Variants in CSGALNACT1 observed in about 807,000 individuals in gnomAD.
CSGALNACT1 encodes the protein beta4GalNAcT-1.
Under a neutral mutation model 51.0 loss-of-function variants are expected in CSGALNACT1, and 52 were observed. That is an observed-to-expected ratio of 1.02 (90% confidence interval 0.82 to 1.29). CSGALNACT1 has a LOEUF of 1.29. CSGALNACT1 is among the 50% of genes most tolerant of loss of function. CSGALNACT1 has a pLI of 0.00. For missense variants in CSGALNACT1, 935 were observed against 679.2 expected (o/e 1.38, Z -4.19); for synonymous variants, 341 against 254.4 (o/e 1.34, Z -3.24).
chr8:19,622,826 G>C (rs1212194167), intron 1 of CSGALNACT1, among the ~76,000 whole-genome samples: 1 of 152,152 alleles, frequency 6.6e-6, no homozygotes, highest in Non-Finnish European at 1.5e-5. Context: ...CAAGAAATGG[G>C]TGAGAAAAAT....
intron 6 of CSGALNACT1, among the ~76,000 whole-genome samples, chr8:19,427,205 T>C (rs755292734): frequency 4.6e-5 from 7 of 152,230 alleles, no homozygotes; most frequent in Non-Finnish European, 7.3e-5. Flanking sequence ...TAAAAGTTCA[T>C]GTGAGCATGA....
chr8:19,673,164 C>G (rs2059921217), intron 1 of CSGALNACT1, among the ~76,000 whole-genome samples: 1 of 152,236 alleles, frequency 6.6e-6, no homozygotes. Context: ...AGGACCCACA[C>G]AGCCATTCAT....
chr8:19,458,463 T>C, exon 5 of CSGALNACT1: 1 of 1,614,138 alleles, frequency 6.2e-7, no homozygotes, highest in African/African-American at 1.3e-5. Flanking sequence ...TTGTCCACCC[T>C]TTTTGCTAGA....
At chr8:19,571,590 T>C (rs1321375479) in intron 3 of CSGALNACT1, among the ~76,000 whole-genome samples, 1 of 152,174 alleles carries the variant, frequency 6.6e-6, no homozygotes, top group African/African-American at 2.4e-5. Context: ...TTTAAGTTAA[T>C]GGCTAAAGCA....
At chr8:19,505,214 A>C in exon 4 of CSGALNACT1, 1 of 1,614,152 alleles carries the variant, frequency 6.2e-7, no homozygotes, top group Non-Finnish European at 8.5e-7. Flanking sequence ...CTATGAAATC[A>C]GAGGCCGTGT....
At chr8:19,549,408 C>G (rs898545170) in intron 3 of CSGALNACT1, among the ~76,000 whole-genome samples, 15 of 152,028 alleles carry the variant, frequency 9.9e-5, no homozygotes, top group African/African-American at 3.6e-4. Flanking sequence ...GTTGATTTCT[C>G]TATGTATCTA....
At chr8:19,617,438 C>T (rs1406626785) in intron 1 of CSGALNACT1, among the ~76,000 whole-genome samples, 1 of 152,146 alleles carries the variant, frequency 6.6e-6, no homozygotes, top group Non-Finnish European at 1.5e-5. Context: ...TGCAAGAACA[C>T]CCTAACACAA....
At chr8:19,404,478 C>T (rs2053766351) in exon 10 of CSGALNACT1, 1 of 453,680 alleles carries the variant, frequency 2.2e-6, no homozygotes, top group Admixed American at 2.4e-5. Flanking sequence ...TTTTCAGAAG[C>T]ATCTTGGTGA....
At chr8:19,455,343 C>T (rs1650175939) in intron 5 of CSGALNACT1, among the ~76,000 whole-genome samples, 1 of 152,202 alleles carries the variant, frequency 6.6e-6, no homozygotes, top group Non-Finnish European at 1.5e-5. Context: ...CTTCCAGTGT[C>T]ATCCTCAGTG....
chr8:19,463,632 T>C (rs1230445444), intron 4 of CSGALNACT1, among the ~76,000 whole-genome samples: 1 of 152,260 alleles, frequency 6.6e-6, no homozygotes, highest in African/African-American at 2.4e-5. Flanking sequence ...CCTTGTCATC[T>C]TGTGCAGAAC....
intron 2 of CSGALNACT1, among the ~76,000 whole-genome samples, chr8:19,592,052 C>T (rs540659027): frequency 4.2e-4 from 64 of 151,952 alleles, no homozygotes; most frequent in African/African-American, 1.5e-3. Flanking sequence ...AAATGAAAAA[C>T]AGCCTTTAAA....
chr8:19,519,647 T>C (rs1271797555), intron 3 of CSGALNACT1, among the ~76,000 whole-genome samples: 2 of 152,198 alleles, frequency 1.3e-5, no homozygotes, highest in Admixed American at 6.5e-5. Flanking sequence ...GGAGGATACA[T>C]GTGACACTCT....
At chr8:19,451,646 C>G (rs544317063) in intron 5 of CSGALNACT1, among the ~76,000 whole-genome samples, 1 of 152,312 alleles carries the variant, frequency 6.6e-6, no homozygotes, top group East Asian at 1.9e-4. Flanking sequence ...TAGCCTTCCC[C>G]AAGACCGCTT....
At chr8:19,604,772 G>A (rs534366613), upstream of CSGALNACT1, among the ~76,000 whole-genome samples, 19 of 149,418 alleles carry the variant, frequency 1.3e-4, no homozygotes, top group South Asian at 4.3e-4. Context: ...AAAATTAGCC[G>A]CGCACGATGG....
chr8:19,490,873 CAGGA>C (rs1377483883), intron 4 of CSGALNACT1, among the ~76,000 whole-genome samples: 1 of 152,132 alleles, frequency 6.6e-6, no homozygotes, highest in Non-Finnish European at 1.5e-5. Context: ...TCCCAGGCAG[CAGGA>C]AGGAAGTCCC....
At chr8:19,663,424 TC>T (rs1410773794) in intron 1 of CSGALNACT1, among the ~76,000 whole-genome samples, 3 of 152,210 alleles carry the variant, frequency 2.0e-5, no homozygotes, top group African/African-American at 7.2e-5. Flanking sequence ...GTAAATATAT[TC>T]AGAGCAAATT....
chr8:19,427,184 T>C (rs1231353560), intron 6 of CSGALNACT1, among the ~76,000 whole-genome samples: 1 of 152,182 alleles, frequency 6.6e-6, no homozygotes, highest in African/African-American at 2.4e-5. Context: ...TTTTTGCCTT[T>C]CCATCGGTTC....
intron 6 of CSGALNACT1, among the ~76,000 whole-genome samples, chr8:19,421,387 G>A (rs975575433): frequency 1.3e-5 from 2 of 152,210 alleles, no homozygotes; most frequent in African/African-American, 4.8e-5. Flanking sequence ...CCTGTCTTAA[G>A]CTAACGTTCC....
At chr8:19,518,752 C>A (rs1395306551) in intron 3 of CSGALNACT1, among the ~76,000 whole-genome samples, 1 of 152,218 alleles carries the variant, frequency 6.6e-6, no homozygotes, top group South Asian at 2.1e-4. Flanking sequence ...AGCTGCTTCA[C>A]TTCCAGCTAG....
Sources: allele counts gnomAD v4.1 joint callset (sites outside exome capture counted in the v4.1 genomes callset), GRCh38; gene constraint gnomAD v4.1.1; transcripts MANE v1.5; gene names NCBI Gene and HGNC (gene_info 2026-07-23, HGNC 2026-07-21).